MACROD2: variants seen among roughly 807,000 people sequenced by gnomAD.
MACROD2 encodes mono-ADP ribosylhydrolase 2.
A neutral mutation model predicts 70.4 loss-of-function variants in MACROD2; 36 were observed. The observed-to-expected ratio is 0.51, with a 90% CI of 0.39 to 0.68. MACROD2 has a LOEUF of 0.68. Among genes scored for constraint, MACROD2 ranks in the 30% least tolerant of loss-of-function variants. MACROD2 has a pLI of 0.00. For synonymous variants in MACROD2, 172 were observed against 178.8 expected, an observed-to-expected ratio of 0.96 and a Z score of 0.30; for missense variants, 496 against 538.4, an observed-to-expected ratio of 0.92 and a Z score of 0.78.
chr20:14,495,713 G>C (rs1600302352), intron 4 of MACROD2, among the ~76,000 whole-genome samples: 2 of 152,132 alleles, frequency 1.3e-5, no homozygotes, highest in African/African-American at 4.8e-5. Flanking sequence ...TTCTCTGTGA[G>C]AAGATTTATG....
At chr20:15,874,291 T>C (rs975739736) in intron 9 of MACROD2, among the ~76,000 whole-genome samples, 5 of 152,160 alleles carry the variant, frequency 3.3e-5, no homozygotes, top group South Asian at 2.1e-4. Context: ...ATATGTGCCA[T>C]ATTTTCTTTA....
chr20:14,459,135 G>A (rs2084337909), intron 3 of MACROD2, among the ~76,000 whole-genome samples: 1 of 151,838 alleles, frequency 6.6e-6, no homozygotes, highest in Admixed American at 6.6e-5. Context: ...ATTTGTAAGG[G>A]CTACTTCTTA....
At chr20:14,619,683 A>G (rs1386447321) in intron 4 of MACROD2, among the ~76,000 whole-genome samples, 4 of 152,070 alleles carry the variant, frequency 2.6e-5, no homozygotes, top group Admixed American at 6.5e-5. Flanking sequence ...GCTTATTGAT[A>G]ATGAGGTGTT....
chr20:14,327,229 T>C, intron 3 of MACROD2: 2 of 1,613,698 alleles, frequency 1.2e-6, no homozygotes, highest in Admixed American at 1.7e-5. Flanking sequence ...ATCTAAACTG[T>C]TGTGGTATAG....
intron 4 of MACROD2, among the ~76,000 whole-genome samples, chr20:14,635,173 T>C (rs1254181981): frequency 6.6e-6 from 1 of 152,172 alleles, no homozygotes. Flanking sequence ...ATACAATCAG[T>C]GTTGAATTAT....
At chr20:14,414,380 G>A (rs1312879892) in intron 3 of MACROD2, among the ~76,000 whole-genome samples, 1 of 152,090 alleles carries the variant, frequency 6.6e-6, no homozygotes, top group Non-Finnish European at 1.5e-5. Flanking sequence ...TGAAAATCCT[G>A]TTGGCCTAAA....
chr20:15,782,103 A>AT (rs2051843834), intron 8 of MACROD2, among the ~76,000 whole-genome samples: 2 of 152,064 alleles, frequency 1.3e-5, no homozygotes, highest in South Asian at 4.1e-4. Flanking sequence ...GAAAACTTGC[A>AT]TTTTTATTTT....
At chr20:15,642,064 T>G (rs545772629) in intron 8 of MACROD2, among the ~76,000 whole-genome samples, 1 of 152,320 alleles carries the variant, frequency 6.6e-6, no homozygotes, top group Admixed American at 6.5e-5. Context: ...AAAACCTATT[T>G]TCTTTCCTGT....
intron 6 of MACROD2, among the ~76,000 whole-genome samples, chr20:15,258,575 G>A (rs2077220378): frequency 6.6e-6 from 1 of 152,064 alleles, no homozygotes; most frequent in Non-Finnish European, 1.5e-5. Context: ...GCCTAGGTAT[G>A]TAGTAGGCTA....
chr20:16,023,117 AAAGTGGAGAGTTT>A (rs1177482782), intron 15 of MACROD2, among the ~76,000 whole-genome samples: 1 of 152,208 alleles, frequency 6.6e-6, no homozygotes, highest in Admixed American at 6.5e-5. Flanking sequence ...TAAAAAGCTC[AAAGTGGAGAGTTT>A]AATATAAGAC....
intron 3 of MACROD2, among the ~76,000 whole-genome samples, chr20:14,387,558 A>G (rs1343364882): frequency 1.3e-5 from 2 of 152,192 alleles, no homozygotes; most frequent in African/African-American, 4.8e-5. Context: ...AAGAATGGCC[A>G]GCCTCTGTGC....
intron 5 of MACROD2, among the ~76,000 whole-genome samples, chr20:15,064,170 G>A (rs1021270239): frequency 1.3e-5 from 2 of 152,126 alleles, no homozygotes; most frequent in Non-Finnish European, 2.9e-5. Flanking sequence ...ATACATAGGA[G>A]GGGACCAATC....
chr20:14,717,459 T>A (rs1342391976), intron 5 of MACROD2, among the ~76,000 whole-genome samples: 1 of 151,980 alleles, frequency 6.6e-6, no homozygotes, highest in Non-Finnish European at 1.5e-5. Context: ...TCATTTAAAG[T>A]ATAAAATGCT....
chr20:14,168,925 C>A (rs1405872633), intron 3 of MACROD2, among the ~76,000 whole-genome samples: 1 of 152,156 alleles, frequency 6.6e-6, no homozygotes, highest in Non-Finnish European at 1.5e-5. Flanking sequence ...GGCCCAATGT[C>A]CCTGATGAAC....
intron 9 of MACROD2, among the ~76,000 whole-genome samples, chr20:15,879,738 A>G (rs989258877): frequency 1.3e-5 from 2 of 152,082 alleles, no homozygotes; most frequent in African/African-American, 4.8e-5. Context: ...ATCATAGCAA[A>G]TGGCCCATAT....
chr20:15,649,911 T>C (rs2049618404), intron 8 of MACROD2, among the ~76,000 whole-genome samples: 1 of 152,236 alleles, frequency 6.6e-6, no homozygotes, highest in Admixed American at 6.5e-5. Flanking sequence ...GTTTCATATC[T>C]TTTGTAATTC....
intron 8 of MACROD2, among the ~76,000 whole-genome samples, chr20:15,857,912 AAAAC>A (rs532224078): frequency 1.1e-4 from 17 of 152,320 alleles, no homozygotes; most frequent in South Asian, 1.0e-3. Flanking sequence ...TATCACAGAA[AAAAC>A]AAACAAACAA....
intron 5 of MACROD2, among the ~76,000 whole-genome samples, chr20:14,994,428 C>T (rs2074932378): frequency 6.6e-6 from 1 of 151,954 alleles, no homozygotes; most frequent in Admixed American, 6.6e-5. Context: ...CCCGGGGCCT[C>T]TTGTTGCACT....
At chr20:15,968,360 T>C (rs1218021188) in intron 13 of MACROD2, among the ~76,000 whole-genome samples, 1 of 152,074 alleles carries the variant, frequency 6.6e-6, no homozygotes, top group Non-Finnish European at 1.5e-5. Flanking sequence ...TATTTATACA[T>C]GAAATCAGAG....
Sources: gnomAD v4.1 joint callset for allele counts (sites outside exome capture counted in the v4.1 genomes callset) on GRCh38, gnomAD v4.1.1 for gene constraint, MANE v1.5 for transcripts, NCBI Gene and HGNC (gene_info 2026-07-23, HGNC 2026-07-21) for gene names.